The following RSBN1L variants were observed in gnomAD, a reference collection of about 807,000 sequenced individuals.
The protein encoded by RSBN1L is round spermatid basic protein 1 like, also known as lysine-specific demethylase RSBN1L.
A neutral mutation model predicts 67.7 loss-of-function variants in RSBN1L; 30 were observed. The observed-to-expected ratio is 0.44, with a 90% confidence interval of 0.33 to 0.60. The LOEUF (loss-of-function observed/expected upper bound fraction) is 0.60. Ranked by LOEUF, RSBN1L falls within the 20% of genes least tolerant of loss-of-function variation. RSBN1L has a pLI of 0.02. For missense variants in RSBN1L, 992 were observed against 1,031.7 expected (o/e 0.96, Z 0.53); for synonymous variants, 433 against 387.0 (o/e 1.12, Z -1.39).
Position 77,696,554 on chromosome 7 carries a change from C to G in RSBN1L, c.85C>G (p.Leu29Val). The G allele has an allele frequency of 6.2e-7, 1 of 1,614,114 alleles. No individual in the cohort carries two copies. Among genetic ancestry groups the G allele is most frequent in the Non-Finnish European group, 8.5e-7 (1 of 1,180,016 alleles). ...TVSEKEPFGKLQLSSRDPPGS... is the reference protein window; with the variant it reads ...TVSEKEPFGKVQLSSRDPPGS... ...CTCGGAGAAAGAACCGTTTGGCAAG[C>G]TGCAACTCTCCTCCCGGGACCCTCC... is the stretch of plus-strand genomic sequence containing the variant. The change falls in exon 1 of 8, where the codon CTG becomes GTG. Residue 29 changes from leucine (L) to valine (V), a missense_variant. Around this residue, in one of 7 missense-constraint regions of RSBN1L, gnomAD observed 575 missense variants for 483.2 expected, o/e 1.19. Transcript: ENST00000334955.
intron 1 of RSBN1L, among the ~76,000 whole-genome samples, chr7:77,714,038 T>C (rs1192569066): frequency 6.6e-6 from 1 of 152,240 alleles, no homozygotes; most frequent in Non-Finnish European, 1.5e-5. Flanking sequence ...TGCTAATGTT[T>C]ATCATACTAA....
chr7:77,735,217 A>G (rs1385750738), intron 1 of RSBN1L, among the ~76,000 whole-genome samples: 1 of 152,160 alleles, frequency 6.6e-6, no homozygotes, highest in Non-Finnish European at 1.5e-5. Context: ...TCAGTATGGT[A>G]GACACTAGTT....
At chr7:77,742,647 G>T (rs1000517845) in intron 2 of RSBN1L, among the ~76,000 whole-genome samples, 1 of 152,230 alleles carries the variant, frequency 6.6e-6, no homozygotes, top group African/African-American at 2.4e-5. Flanking sequence ...AGACCAGCCT[G>T]GCCAACGTGG....
At chr7:77,764,791 C>T (rs982958790) in intron 3 of RSBN1L, among the ~76,000 whole-genome samples, 12 of 152,102 alleles carry the variant, frequency 7.9e-5, no homozygotes, top group South Asian at 2.1e-4. Flanking sequence ...CCACCACACT[C>T]GGCTGATTTT....
chr7:77,770,056 T>C (rs1791826004), intron 5 of RSBN1L, among the ~76,000 whole-genome samples: 1 of 152,192 alleles, frequency 6.6e-6, no homozygotes, highest in African/African-American at 2.4e-5. Flanking sequence ...AATGGTTGAA[T>C]AGATTTCATA....
At position 77,781,289 on chromosome 7, in the gene RSBN1L, G is replaced by T. The variant is rs1411219039; in HGVS notation, c.*2121G>T. The T allele has an allele frequency of 6.6e-6, 1 of 152,152 alleles. No homozygotes were observed. The highest frequency in any genetic ancestry group is 1.5e-5 in the Non-Finnish European group (1 of 68,028). 9.4% of individuals were successfully genotyped at this position (152,152 alleles called of 1,614,324 possible). ...AGATAGTAAGGGTTTTGTTTTATAT[G>T]TCATTGTCTTACCATGCTCCCCACC... On this transcript the variant is annotated 3_prime_UTR_variant, in exon 8 of 8. Transcript: ENST00000334955.
rs1296869949 is a variant in RSBN1L at position 77,778,851 on chromosome 7, A to G, written c.2224A>G (p.Lys742Glu). 3.1e-6 allele frequency: 5 copies of G among 1,613,938 alleles called. No individual in the cohort carries two copies. The African/African-American group carries it at 5.3e-5, about 17-fold the overall frequency. The change falls in exon 8 of 8, where the codon AAA becomes GAA. Residue 742 changes from lysine (K) to glutamate (E), a missense_variant. Physicochemically the swap from Lys to Glu is moderately conservative, Grantham distance 56. Coordinates refer to ENST00000334955, the MANE Select transcript of RSBN1L (RefSeq NM_198467.3). Reference protein sequence around the residue: ...KASLDSVFSDKLHSKYELQQI... With the variant: ...KASLDSVFSDELHSKYELQQI... ...CTCCTTGGATTCTGTTTTTTCAGATAAACTTCATTCTAAATATGAATTACA... is the reference window on the plus strand; with the variant it reads ...CTCCTTGGATTCTGTTTTTTCAGATGAACTTCATTCTAAATATGAATTACA...
chr7:77,753,149 C>G (rs1241023887), intron 3 of RSBN1L, among the ~76,000 whole-genome samples: 1 of 152,160 alleles, frequency 6.6e-6, no homozygotes, highest in Non-Finnish European at 1.5e-5. Flanking sequence ...GTATGTGTTT[C>G]TTTTGAGTAT....
At chr7:77,729,581 T>G (rs999193988) in intron 1 of RSBN1L, among the ~76,000 whole-genome samples, 1 of 152,236 alleles carries the variant, frequency 6.6e-6, no homozygotes, top group Non-Finnish European at 1.5e-5. Context: ...AGATACATAT[T>G]ACACTGAAGC....
At chr7:77,762,784 A>G (rs1176940577) in intron 3 of RSBN1L, among the ~76,000 whole-genome samples, 1 of 152,162 alleles carries the variant, frequency 6.6e-6, no homozygotes, top group African/African-American at 2.4e-5. Flanking sequence ...TCTGATTATT[A>G]TATTATCTCC....
At chr7:77,724,216 A>G (rs79518233) in intron 1 of RSBN1L, among the ~76,000 whole-genome samples, 2 of 151,906 alleles carry the variant, frequency 1.3e-5, no homozygotes, top group African/African-American at 2.4e-5. Flanking sequence ...AACTTTTTTT[A>G]ATGTGTTTAT....
rs1230856961 is a variant in RSBN1L, at chr7:77,780,664, AACAAAATACTTTGTGGT to A, written c.*1499_*1515del. The A allele has an allele frequency of 6.6e-6, 1 of 152,246 alleles. No homozygotes were observed. The highest frequency in any genetic ancestry group is 1.5e-5 in the Non-Finnish European group (1 of 68,044). The allele number at this position is 152,246 out of a possible 1,614,324, so 9.4% of individuals were successfully genotyped here. ...TCAACTGCCATATAGAGATATAATTAACAAAATACTTTGTGGTACCTCTTATCTCTCAGGATCTCCTC... is the reference window on the plus strand; with the variant it reads ...TCAACTGCCATATAGAGATATAATTAACCTCTTATCTCTCAGGATCTCCTC... On this transcript the variant is annotated 3_prime_UTR_variant, in exon 8 of 8. Coordinates refer to ENST00000334955, the MANE Select transcript of RSBN1L (RefSeq NM_198467.3).
Position 77,708,898 on chromosome 7 carries a change from C to T in RSBN1L, c.586+11843C>T, listed in dbSNP as rs374717634. ...TATACTTGGACATGGCAAGGAAAAC[C>T]TAGAGAGAAATATATGATAAAGCAT... On this transcript the variant is annotated intron_variant, in intron 1 of 7. Coordinates refer to ENST00000334955, the MANE Select transcript of RSBN1L (RefSeq NM_198467.3). Among the ~76,000 whole-genome samples, 6 of 151,928 alleles carry T rather than the reference C, an allele frequency of 3.9e-5. No homozygotes were observed. The East Asian group carries it at 9.6e-4, about 24-fold the overall frequency.
At chr7:77,767,140 G>C (rs1016459772) in intron 4 of RSBN1L, among the ~76,000 whole-genome samples, 2 of 145,758 alleles carry the variant, frequency 1.4e-5, no homozygotes, top group African/African-American at 5.1e-5. Context: ...TGTTGCCCAG[G>C]CTAGCTTTGA....
chr7:77,722,640 T>G (rs572689583), intron 1 of RSBN1L, among the ~76,000 whole-genome samples: 8 of 152,170 alleles, frequency 5.3e-5, no homozygotes, highest in African/African-American at 1.9e-4. Context: ...TATGTAATTG[T>G]AATCATTTTG....
At chr7:77,773,452 T>G in intron 6 of RSBN1L, 138 bp downstream of exon 6, 3 of 562,300 alleles carry the variant, frequency 5.3e-6, no homozygotes, top group Non-Finnish European at 2.9e-6. Flanking sequence ...AATTGTATAA[T>G]TGTACTAAAG....
intron 1 of RSBN1L, among the ~76,000 whole-genome samples, chr7:77,728,869 C>T (rs1229455239): frequency 6.6e-6 from 1 of 152,048 alleles, no homozygotes; most frequent in Non-Finnish European, 1.5e-5. Context: ...TCCCTGTGAC[C>T]CTGGAGATTA....
chr7:77,727,235 G>A (rs1261978467), intron 1 of RSBN1L, among the ~76,000 whole-genome samples: 3 of 151,990 alleles, frequency 2.0e-5, no homozygotes, highest in African/African-American at 7.2e-5. Context: ...TTACACACAT[G>A]TGCCACCACG....
intron 1 of RSBN1L, among the ~76,000 whole-genome samples, chr7:77,732,482 G>T (rs186770313): frequency 3.2e-4 from 48 of 152,132 alleles, no homozygotes; most frequent in Non-Finnish European, 6.0e-4. Flanking sequence ...AAAGGCACCC[G>T]CCACCATGCC....
Sources: allele counts gnomAD v4.1 joint callset (sites outside exome capture counted in the v4.1 genomes callset), GRCh38; gene constraint gnomAD v4.1.1; regional missense constraint gnomAD v4.1.1; transcripts MANE v1.5; gene names NCBI Gene and HGNC (gene_info 2026-07-23, HGNC 2026-07-21).